The following DGKB variants were observed in gnomAD, a reference collection of about 807,000 sequenced individuals.
DGKB encodes the protein diacylglycerol kinase beta, also known as 90 kDa diacylglycerol kinase.
In DGKB, 67 loss-of-function variants were observed where a neutral mutation model predicts 114.3. The observed-to-expected ratio is 0.59, with a 90% CI of 0.48 to 0.72. The LOEUF is 0.72. Among genes scored for constraint, DGKB ranks in the 30% least tolerant of loss-of-function variants. DGKB has a pLI of 0.00. For synonymous variants in DGKB, 398 were observed against 323.1 expected (o/e 1.23, Z -2.49); for missense variants, 907 against 975.2 (o/e 0.93, Z 0.93).
intron 12 of DGKB, among the ~76,000 whole-genome samples, chr7:14,675,736 C>G (rs1373117169): frequency 6.6e-6 from 1 of 151,956 alleles, no homozygotes; most frequent in Non-Finnish European, 1.5e-5. Flanking sequence ...ATCTGTTAAA[C>G]AGAGTCACAC....
At chr7:14,258,263 T>TAAG (rs1465796280) in intron 23 of DGKB, among the ~76,000 whole-genome samples, 3 of 152,216 alleles carry the variant, frequency 2.0e-5, no homozygotes, top group Admixed American at 6.5e-5. Flanking sequence ...ATTACCAGAA[T>TAAG]AAGAAGACTG....
At chr7:14,448,792 C>T (rs1367485425) in intron 21 of DGKB, among the ~76,000 whole-genome samples, 1 of 152,052 alleles carries the variant, frequency 6.6e-6, no homozygotes, top group East Asian at 1.9e-4. Context: ...GATTCAAATC[C>T]AGACAAGTCT....
intron 2 of DGKB, among the ~76,000 whole-genome samples, chr7:14,836,021 A>G (rs1424608663): frequency 1.3e-5 from 2 of 152,182 alleles, no homozygotes; most frequent in Non-Finnish European, 2.9e-5. Context: ...TAAATCCTAC[A>G]ACAAGATTTT....
chr7:14,339,020 A>G (rs897596648), intron 22 of DGKB, among the ~76,000 whole-genome samples: 3 of 152,012 alleles, frequency 2.0e-5, no homozygotes, highest in Non-Finnish European at 4.4e-5. Flanking sequence ...ACCAGCTGCA[A>G]ATTTCCAATG....
chr7:14,689,331 G>A (rs914336373), intron 9 of DGKB, among the ~76,000 whole-genome samples: 4 of 149,878 alleles, frequency 2.7e-5, no homozygotes, highest in East Asian at 2.0e-4. Context: ...TTCACCCACT[G>A]CGCCCGGCTA....
At chr7:14,394,666 A>AC (rs1554405623) in intron 21 of DGKB, among the ~76,000 whole-genome samples, 4 of 149,444 alleles carry the variant, frequency 2.7e-5, no homozygotes, top group African/African-American at 4.9e-5. Flanking sequence ...ATCAATGACC[A>AC]TTTTTTTTTT....
At chr7:14,933,315 T>C (rs924369915) in intron 1 of DGKB, among the ~76,000 whole-genome samples, 1 of 152,214 alleles carries the variant, frequency 6.6e-6, no homozygotes, top group Non-Finnish European at 1.5e-5. Flanking sequence ...GGTGGACATG[T>C]CCTATTCCTT....
At chr7:14,368,573 C>CTGTGTGTG (rs3069084) in intron 21 of DGKB, among the ~76,000 whole-genome samples, 2,889 of 148,696 alleles carry the variant, frequency 0.019, 30 homozygotes, top group Non-Finnish European at 0.02. Context: ...GGTATTTTCT[C>CTGTGTGTG]TGTGTGTGTG....
chr7:14,809,354 A>T (rs1000242870), intron 2 of DGKB, among the ~76,000 whole-genome samples: 1 of 152,104 alleles, frequency 6.6e-6, no homozygotes, highest in Admixed American at 6.6e-5. Flanking sequence ...AATAGAGGCC[A>T]TGTTTTCAAG....
chr7:14,449,446 A>C (rs1201273841), intron 21 of DGKB, among the ~76,000 whole-genome samples: 2 of 151,876 alleles, frequency 1.3e-5, no homozygotes, highest in African/African-American at 4.8e-5. Flanking sequence ...TCATTCGCCC[A>C]CTCAAGACAT....
rs769830126 is a variant in DGKB, at chr7:14,783,365, G to A, written c.71-25634C>T. ...GCATAAATGAAAGAGGAAGAAATAT[G>A]TACTCCTGAATTACTGATCACAAGA... On this transcript the variant is annotated intron_variant, in intron 2 of 25. Coordinates refer to ENST00000402815, the MANE Select transcript of DGKB (RefSeq NM_001350709.2). 1.0e-3 allele frequency among the ~76,000 whole-genome samples: 152 copies of A among 152,120 alleles called. 1 individual carries two copies. Among genetic ancestry groups the A allele is most frequent in the Admixed American group, 4.6e-4 (7 of 15,272 alleles).
At chr7:14,382,443 C>T (rs1185791565) in intron 21 of DGKB, among the ~76,000 whole-genome samples, 2 of 118,244 alleles carry the variant, frequency 1.7e-5, no homozygotes, top group African/African-American at 2.8e-5. Flanking sequence ...TACATATGTG[C>T]ATGCCTGTAC....
chr7:14,974,805 T>C (rs562776718), upstream of DGKB: 1 of 152,158 alleles, frequency 6.6e-6, no homozygotes, highest in African/African-American at 2.4e-5. Flanking sequence ...GTGTGTTACA[T>C]TTTATTCAGA....
In DGKB at chr7:14,514,982, T is replaced by C. The variant is rs185135571; in HGVS notation, c.1771-36757A>G. On this transcript the variant is annotated intron_variant, in intron 20 of 25. Transcript: ENST00000402815. ...TCACTTGAACCCAGGAGGTCAAGGC[T>C]ATAGTGAGCCTGCATGACAGAGTGA... 2.7e-3 allele frequency among the ~76,000 whole-genome samples: 413 copies of C among 152,244 alleles called. 2 individuals are homozygous for C. The highest frequency in any genetic ancestry group is 9.0e-3 in the African/African-American group (374 of 41,560).
intron 15 of DGKB, among the ~76,000 whole-genome samples, chr7:14,619,180 A>AT (rs149258562): frequency 2.0e-5 from 3 of 151,030 alleles, no homozygotes; most frequent in Non-Finnish European, 4.4e-5. Flanking sequence ...CACATATGGT[A>AT]TTTTTTTAAC....
At chr7:14,449,864 T>C (rs1016415798) in intron 21 of DGKB, among the ~76,000 whole-genome samples, 1 of 152,022 alleles carries the variant, frequency 6.6e-6, no homozygotes, top group African/African-American at 2.4e-5. Flanking sequence ...CAGTTAGGTA[T>C]TCTGATTAGG....
chr7:14,613,824 C>T (rs1268303622), intron 15 of DGKB, among the ~76,000 whole-genome samples: 2 of 152,030 alleles, frequency 1.3e-5, no homozygotes, highest in Admixed American at 6.6e-5. Flanking sequence ...TCCTTTTACG[C>T]AGGAGTCCTA....
At chr7:14,314,356 C>T (rs1464595192) in intron 23 of DGKB, among the ~76,000 whole-genome samples, 1 of 151,398 alleles carries the variant, frequency 6.6e-6, no homozygotes, top group Non-Finnish European at 1.5e-5. Flanking sequence ...GACATTCAAA[C>T]CAAAGGCAAA....
intron 23 of DGKB, chr7:14,209,556 A>C (rs917310640): frequency 2.0e-6 from 1 of 495,226 alleles, no homozygotes. Context: ...ACTCCTATTA[A>C]TTTAAAATGG....
Sources: gnomAD v4.1 joint callset for allele counts (sites outside exome capture counted in the v4.1 genomes callset) on GRCh38, gnomAD v4.1.1 for gene constraint, MANE v1.5 for transcripts, NCBI Gene and HGNC (gene_info 2026-07-23, HGNC 2026-07-21) for gene names.